SORCS2: variants seen among roughly 807,000 people sequenced by gnomAD.
SORCS2 encodes sortilin related VPS10 domain containing receptor 2.
SORCS2 carries 100 observed loss-of-function variants against 141.6 expected under a neutral mutation model. The observed-to-expected ratio is 0.71, with a 90% CI of 0.60 to 0.83. The LOEUF (loss-of-function observed/expected upper bound fraction) is 0.83, where lower values mean the gene tolerates loss of function less well. SORCS2 is among the 40% of genes least tolerant of loss of function. SORCS2 has a pLI of 0.00. For synonymous variants in SORCS2, 789 were observed against 676.9 expected (o/e 1.17, Z -2.57); for missense variants, 1,646 against 1,560.2 (o/e 1.05, Z -0.93).
chr4:7,679,965 C>T (rs1373883062), intron 9 of SORCS2, among the ~76,000 whole-genome samples: 1 of 152,168 alleles, frequency 6.6e-6, no homozygotes, highest in African/African-American at 2.4e-5. Flanking sequence ...ATAACACAAA[C>T]CATCATGGGA....
At chr4:7,415,866 G>A (rs1451828078) in intron 2 of SORCS2, among the ~76,000 whole-genome samples, 1 of 152,222 alleles carries the variant, frequency 6.6e-6, no homozygotes, top group Non-Finnish European at 1.5e-5. Context: ...ATGGATAGGG[G>A]CCCAACATCC....
chr4:7,463,925 C>A (rs537281753), intron 2 of SORCS2, among the ~76,000 whole-genome samples: 1 of 152,302 alleles, frequency 6.6e-6, no homozygotes, highest in South Asian at 2.1e-4. Flanking sequence ...AAACAGGCAC[C>A]CCTGAGTCCC....
At chr4:7,622,112 A>G (rs1181530820) in intron 3 of SORCS2, among the ~76,000 whole-genome samples, 1 of 152,106 alleles carries the variant, frequency 6.6e-6, no homozygotes, top group Non-Finnish European at 1.5e-5. Flanking sequence ...AGCCACAAAA[A>G]AGCCAGGATC....
intron 8 of SORCS2, among the ~76,000 whole-genome samples, chr4:7,674,230 G>C (rs1722964666): frequency 6.6e-6 from 1 of 152,086 alleles, no homozygotes; most frequent in South Asian, 2.1e-4. Context: ...ACACAGGACT[G>C]TGGCTCCTGC....
At chr4:7,548,130 G>A (rs1464872468) in intron 3 of SORCS2, among the ~76,000 whole-genome samples, 1 of 152,188 alleles carries the variant, frequency 6.6e-6, no homozygotes, top group East Asian at 1.9e-4. Flanking sequence ...GGTTAGAATT[G>A]CTGGGCTGAA....
chr4:7,641,133 C>T (rs903965715), intron 4 of SORCS2, among the ~76,000 whole-genome samples: 1 of 152,212 alleles, frequency 6.6e-6, no homozygotes, highest in Non-Finnish European at 1.5e-5. Context: ...TTCCATATTC[C>T]TGTGCCTCTC....
chr4:7,496,061 G>A lies in SORCS2; in HGVS notation c.549-35469G>A, dbSNP rs192214774. Among the ~76,000 whole-genome samples the A allele has an allele frequency of 2.0e-3, 298 of 152,338 alleles. 2 individuals are homozygous for A. Among genetic ancestry groups the A allele is most frequent in the Non-Finnish European group, 9.4e-4 (64 of 68,030 alleles). ...CCAGGCTAGCTGTCAGTTCCAAAGC[G>A]GTGCAGAAGAGAATGGACGGGGGTG... On this transcript the variant is annotated intron_variant, in intron 2 of 26. Coordinates refer to ENST00000507866, the MANE Select transcript of SORCS2 (RefSeq NM_020777.3).
chr4:7,715,901 A>G (rs937880821), intron 17 of SORCS2, among the ~76,000 whole-genome samples: 2 of 152,046 alleles, frequency 1.3e-5, no homozygotes, highest in Non-Finnish European at 2.9e-5. Context: ...TATTGTCATC[A>G]CTCACCTAAT....
chr4:7,649,314 G>T (rs980854460), intron 4 of SORCS2, among the ~76,000 whole-genome samples: 4 of 151,184 alleles, frequency 2.6e-5, no homozygotes, highest in African/African-American at 7.3e-5. Context: ...GGGCATGCAG[G>T]GAGTGAGCAG....
intron 1 of SORCS2, among the ~76,000 whole-genome samples, chr4:7,283,944 C>G (rs903741185): frequency 4.6e-5 from 7 of 152,132 alleles, no homozygotes; most frequent in Non-Finnish European, 1.0e-4. Context: ...GCCCCTTGGC[C>G]TCTAGGAATC....
intron 1 of SORCS2, among the ~76,000 whole-genome samples, chr4:7,368,428 C>G (rs1025940761): frequency 6.6e-6 from 1 of 152,250 alleles, no homozygotes; most frequent in African/African-American, 2.4e-5. Flanking sequence ...TCCACCTTGA[C>G]TGCCCGGACC....
intron 1 of SORCS2, among the ~76,000 whole-genome samples, chr4:7,285,340 C>T (rs1311222324): frequency 6.6e-6 from 1 of 152,184 alleles, no homozygotes; most frequent in African/African-American, 2.4e-5. Context: ...GCCCCATCTC[C>T]TCATGTTGAC....
At chr4:7,666,349 G>T (rs1316676849) in intron 7 of SORCS2, among the ~76,000 whole-genome samples, 2 of 152,106 alleles carry the variant, frequency 1.3e-5, no homozygotes, top group African/African-American at 4.8e-5. Context: ...GAGAAGGTGG[G>T]GGCCACCGAC....
At chr4:7,510,663 G>A (rs1732571350) in intron 2 of SORCS2, among the ~76,000 whole-genome samples, 1 of 148,782 alleles carries the variant, frequency 6.7e-6, no homozygotes, top group Non-Finnish European at 1.5e-5. Context: ...GCATGTCCTG[G>A]AAATGCGACC....
At chr4:7,272,243 A>C (rs1424520444) in intron 1 of SORCS2, among the ~76,000 whole-genome samples, 5 of 152,208 alleles carry the variant, frequency 3.3e-5, no homozygotes, top group African/African-American at 7.2e-5. Context: ...GCATCACAAC[A>C]ATAAAGAGGC....
chr4:7,269,443 T>C (rs1714974588), intron 1 of SORCS2, among the ~76,000 whole-genome samples: 1 of 152,222 alleles, frequency 6.6e-6, no homozygotes, highest in African/African-American at 2.4e-5. Flanking sequence ...CACGATCTTA[T>C]TTGAAATCAG....
rs1391004216 is a variant in SORCS2 at position 7,706,433 on chromosome 4, TCTGGGCAGGGATGAGG to T, written c.1868+2172_1868+2187del. Among the ~76,000 whole-genome samples the T allele has an allele frequency of 5.1e-3, 463 of 90,878 alleles. 24 individuals are homozygous for T. The highest frequency in any genetic ancestry group is 7.7e-3 in the Middle Eastern group (1 of 130). The allele number at this position is 90,878 out of a possible 152,430, so 59.6% of individuals were successfully genotyped here. ...TGGACAGAGATGAGGCTGGGCTCTG[TCTGGGCAGGGATGAGG>T]CTGGGCAGGGATGAGGCTGGGCTCT... On this transcript the variant is annotated intron_variant, in intron 14 of 26. Coordinates refer to ENST00000507866, the MANE Select transcript of SORCS2 (RefSeq NM_020777.3).
intron 1 of SORCS2, among the ~76,000 whole-genome samples, chr4:7,271,339 C>G (rs937287370): frequency 2.0e-5 from 3 of 152,230 alleles, no homozygotes; most frequent in African/African-American, 4.8e-5. Flanking sequence ...CCTATTCAGC[C>G]TCATCTCCTG....
At chr4:7,325,908 G>A (rs914355625) in intron 1 of SORCS2, among the ~76,000 whole-genome samples, 1 of 152,164 alleles carries the variant, frequency 6.6e-6, no homozygotes, top group Non-Finnish European at 1.5e-5. Context: ...GGCGGAGTTG[G>A]GGGGTTGGTA....
Sources: allele counts gnomAD v4.1 joint callset (sites outside exome capture counted in the v4.1 genomes callset), GRCh38; gene constraint gnomAD v4.1.1; transcripts MANE v1.5; gene names NCBI Gene and HGNC (gene_info 2026-07-23, HGNC 2026-07-21).